Variants in GALNT13 observed in about 807,000 individuals in gnomAD.
GALNT13 encodes UDP-GalNAc:polypeptide N-acetylgalactosaminyltransferase 13.
GALNT13 carries 28 observed loss-of-function variants against 64.2 expected under a neutral mutation model. That is an observed-to-expected ratio of 0.44 (90% CI 0.32 to 0.60). The LOEUF (loss-of-function observed/expected upper bound fraction) is 0.60, where lower values mean the gene tolerates loss of function less well. GALNT13 is among the 20% of genes least tolerant of loss of function. GALNT13 has a pLI of 0.05. For synonymous variants in GALNT13, 214 were observed against 224.6 expected, an observed-to-expected ratio of 0.95 and a Z score of 0.42; for missense variants, 577 against 669.8, an observed-to-expected ratio of 0.86 and a Z score of 1.53.
the GALNT13 span, among the ~76,000 whole-genome samples, chr2:153,720,284 G>T: frequency 6.9e-6 from 1 of 145,056 alleles, no homozygotes; most frequent in African/African-American, 2.6e-5. Flanking sequence ...CAAACAGAAA[G>T]GACATCCACA....
At chr2:154,369,647 C>A (rs1697569793) in intron 9 of GALNT13, among the ~76,000 whole-genome samples, 1 of 152,076 alleles carries the variant, frequency 6.6e-6, no homozygotes, top group Non-Finnish European at 1.5e-5. Flanking sequence ...TCTTAAAGTG[C>A]CACAGTAGAG....
At chr2:154,109,873 T>C (rs1485312190) in intron 3 of GALNT13, among the ~76,000 whole-genome samples, 1 of 152,138 alleles carries the variant, frequency 6.6e-6, no homozygotes, top group African/African-American at 2.4e-5. Flanking sequence ...TTACATTTGT[T>C]TTGATGATTA....
At chr2:153,139,108 T>C in the GALNT13 span, among the ~76,000 whole-genome samples, 2 of 152,084 alleles carry the variant, frequency 1.3e-5, no homozygotes, top group African/African-American at 4.8e-5. Context: ...TTCATATGTT[T>C]TGATAGCAGT....
the GALNT13 span, among the ~76,000 whole-genome samples, chr2:153,313,541 A>G: frequency 6.6e-5 from 10 of 151,924 alleles, no homozygotes; most frequent in Non-Finnish European, 1.2e-4. Context: ...ACTGGGGCCT[A>G]TCAGAGGGTG....
chr2:153,267,499 G>A, the GALNT13 span, among the ~76,000 whole-genome samples: 1 of 152,156 alleles, frequency 6.6e-6, no homozygotes, highest in Non-Finnish European at 1.5e-5. Flanking sequence ...CAAGGATTGG[G>A]GCTTGCACCC....
intron 9 of GALNT13, among the ~76,000 whole-genome samples, chr2:154,311,539 A>G (rs1293533579): frequency 6.6e-6 from 1 of 152,202 alleles, no homozygotes; most frequent in Non-Finnish European, 1.5e-5. Flanking sequence ...ACAGGGCGAG[A>G]TCACAGGACC....
chr2:153,711,810 G>T, the GALNT13 span, among the ~76,000 whole-genome samples: 1 of 152,218 alleles, frequency 6.6e-6, no homozygotes, highest in East Asian at 1.9e-4. Flanking sequence ...CTGCAACAGG[G>T]AAAGAGGACA....
intron 3 of GALNT13, among the ~76,000 whole-genome samples, chr2:154,005,413 A>C (rs1161791594): frequency 6.6e-6 from 1 of 152,022 alleles, no homozygotes; most frequent in African/African-American, 2.4e-5. Context: ...ATATTTTTTA[A>C]ATACCTTAAA....
At chr2:153,861,585 A>G in the GALNT13 span, among the ~76,000 whole-genome samples, 1 of 68,464 alleles carries the variant, frequency 1.5e-5, no homozygotes, top group Non-Finnish European at 2.6e-5. Context: ...TTTTTTTTTG[A>G]TAAGGAGTTT....
intron 4 of GALNT13, among the ~76,000 whole-genome samples, chr2:154,180,338 A>G (rs1053927762): frequency 6.6e-6 from 1 of 152,102 alleles, no homozygotes; most frequent in South Asian, 2.1e-4. Context: ...TTACTTTAAC[A>G]TAGCTAGTAT....
the GALNT13 span, among the ~76,000 whole-genome samples, chr2:153,290,716 CT>C: frequency 1.3e-5 from 2 of 152,188 alleles, no homozygotes; most frequent in Non-Finnish European, 2.9e-5. Flanking sequence ...TATTATCCCC[CT>C]ATGTCCTTTA....
intron 3 of GALNT13, among the ~76,000 whole-genome samples, chr2:154,062,614 A>C (rs1474549837): frequency 6.6e-6 from 1 of 152,286 alleles, no homozygotes; most frequent in East Asian, 1.9e-4. Flanking sequence ...ACTTTGAAAC[A>C]GCCAGATCTC....
At chr2:154,285,756 A>G (rs1692229876) in intron 8 of GALNT13, among the ~76,000 whole-genome samples, 1 of 152,160 alleles carries the variant, frequency 6.6e-6, no homozygotes, top group Non-Finnish European at 1.5e-5. Flanking sequence ...TGTGAAAATA[A>G]CATTGCAATT....
chr2:153,251,585 G>T, the GALNT13 span, among the ~76,000 whole-genome samples: 3 of 151,066 alleles, frequency 2.0e-5, no homozygotes, highest in Admixed American at 6.6e-5. Context: ...TCGTCATCTC[G>T]CATTAGGTAT....
chr2:154,293,816 C>T (rs902575741), intron 8 of GALNT13, among the ~76,000 whole-genome samples: 2 of 152,126 alleles, frequency 1.3e-5, no homozygotes, highest in African/African-American at 4.8e-5. Context: ...GGACTCCACT[C>T]AATTTGAGTT....
the GALNT13 span, among the ~76,000 whole-genome samples, chr2:153,822,512 C>A: frequency 1.3e-5 from 2 of 152,098 alleles, no homozygotes; most frequent in African/African-American, 4.8e-5. Flanking sequence ...ATATAAAAAG[C>A]TTTTGATAAA....
chr2:153,671,386 G>A, the GALNT13 span, among the ~76,000 whole-genome samples: 1 of 152,102 alleles, frequency 6.6e-6, no homozygotes, highest in South Asian at 2.1e-4. Context: ...AAAAGAGTGG[G>A]GGCCAATATT....
chr2:153,407,953 TG>T, the GALNT13 span, among the ~76,000 whole-genome samples: 528 of 152,270 alleles, frequency 3.5e-3, 2 homozygotes, highest in Non-Finnish European at 4.5e-3. Context: ...GTAGAGCTGG[TG>T]TCATAGCATC....
At chr2:153,985,015 A>G (rs1374500909) in intron 3 of GALNT13, among the ~76,000 whole-genome samples, 1 of 151,996 alleles carries the variant, frequency 6.6e-6, no homozygotes. Context: ...TTCCTTAATT[A>G]TTCAGTGCCT....
Sources: allele counts gnomAD v4.1 joint callset (sites outside exome capture counted in the v4.1 genomes callset), GRCh38; gene constraint gnomAD v4.1.1; transcripts MANE v1.5; gene names NCBI Gene and HGNC (gene_info 2026-07-23, HGNC 2026-07-21).